ADCYAP1R1: variants seen among roughly 807,000 people sequenced by gnomAD.
The protein encoded by ADCYAP1R1 is pituitary adenylate cyclase-activating polypeptide type I receptor.
ADCYAP1R1 carries 44 observed loss-of-function variants against 67.6 expected under a neutral mutation model. That is an observed-to-expected ratio of 0.65 (90% CI 0.51 to 0.84). The LOEUF is 0.84. Ranked by LOEUF, ADCYAP1R1 falls within the 40% of genes least tolerant of loss-of-function variation. ADCYAP1R1 has a pLI of 0.00. For synonymous variants in ADCYAP1R1, 222 were observed against 219.6 expected (o/e 1.01, Z -0.10); for missense variants, 477 against 587.9 (o/e 0.81, Z 1.95).
chr7:31,072,541 C>G (rs922186716), intron 3 of ADCYAP1R1, among the ~76,000 whole-genome samples: 3 of 152,036 alleles, frequency 2.0e-5, no homozygotes, highest in African/African-American at 4.8e-5. Context: ...GCCATTGCTC[C>G]AAATCAAGCT....
chr7:31,100,305 C>A (rs1415938625), intron 13 of ADCYAP1R1: 4 of 1,247,566 alleles, frequency 3.2e-6, no homozygotes, highest in Non-Finnish European at 4.6e-6. Flanking sequence ...GGAGAGCCAG[C>A]CTCTGCCTCC....
At chr7:31,094,501 G>A (rs1345011025) in intron 13 of ADCYAP1R1, among the ~76,000 whole-genome samples, 1 of 152,042 alleles carries the variant, frequency 6.6e-6, no homozygotes, top group Non-Finnish European at 1.5e-5. Flanking sequence ...TCTCTCGTTT[G>A]AGCTCTAGTG....
intron 8 of ADCYAP1R1, 131 bp from the exon 9 acceptor site, chr7:31,085,179 G>A: frequency 2.4e-6 from 3 of 1,268,082 alleles, no homozygotes; most frequent in South Asian, 2.9e-5. Flanking sequence ...GAGGTGGCAG[G>A]AAGGAGGGTG....
intron 4 of ADCYAP1R1, 111 bp downstream of exon 4, chr7:31,078,209 C>T: frequency 2.7e-6 from 2 of 751,932 alleles, no homozygotes. Context: ...ACAGTCCCTG[C>T]TCCTGAGCTC....
At position 31,086,287 on chromosome 7, in the gene ADCYAP1R1, T is replaced by A; in HGVS notation, c.670-97T>A. On this transcript the variant is annotated intron_variant, in intron 9 of 15. Transcript: ENST00000304166. This position sits in a 1 kb window ranked among gnomAD's most constrained non-coding sequence, Gnocchi z 5.0. ...GACTCTCTTAGATCCTTGGGATGTT[T>A]GAACCTGAGCATGCCAGAGCCAACG... The A allele has an allele frequency of 4.7e-6, 6 of 1,263,172 alleles. No homozygotes were observed. The highest frequency in any genetic ancestry group is 6.6e-6 in the Non-Finnish European group (6 of 912,620). 78.2% of individuals were successfully genotyped at this position (1,263,172 alleles called of 1,614,324 possible).
rs1795759179 is a variant in ADCYAP1R1, at chr7:31,086,724, G to A, written c.823+187G>A. ...TGCCTGTGGAAAGCCCACTATCTCA[G>A]GGAGGAGTTAAATCCAGGAGTCCTC... On this transcript the variant is annotated intron_variant, in intron 10 of 15. Coordinates refer to ENST00000304166, the MANE Select transcript of ADCYAP1R1 (RefSeq NM_001118.5). The surrounding 1 kb of genome is among the most constrained non-coding windows in gnomAD (Gnocchi z 5.0). Among the ~76,000 whole-genome samples the A allele has an allele frequency of 6.6e-6, 1 of 152,178 alleles. No individual in the cohort carries two copies. Among genetic ancestry groups the A allele is most frequent in the Admixed American group, 6.5e-5 (1 of 15,284 alleles).
At chr7:31,076,058 T>G (rs1205340667) in intron 3 of ADCYAP1R1, among the ~76,000 whole-genome samples, 4 of 151,988 alleles carry the variant, frequency 2.6e-5, no homozygotes, top group Non-Finnish European at 5.9e-5. Flanking sequence ...TTCTTCAAGG[T>G]GGGGGTGTCC....
chr7:31,068,215 G>GCGCGCA (rs35207713), intron 3 of ADCYAP1R1, among the ~76,000 whole-genome samples: 29 of 149,900 alleles, frequency 1.9e-4, no homozygotes, highest in African/African-American at 4.6e-4. Flanking sequence ...ATGTGCGCGC[G>GCGCGCA]CACACACACA....
intron 4 of ADCYAP1R1, 55 bp downstream of exon 4, chr7:31,078,153 C>T (rs1300497091): frequency 3.4e-6 from 5 of 1,454,782 alleles, no homozygotes; most frequent in South Asian, 1.3e-5. Context: ...TCCCCAAATT[C>T]GGCCCCAGGC....
chr7:31,080,732 T>G (rs1584509505), intron 5 of ADCYAP1R1, 99 bp downstream of exon 5: 1 of 1,312,582 alleles, frequency 7.6e-7, no homozygotes, highest in Non-Finnish European at 1.1e-6. Flanking sequence ...GGGATTGGGG[T>G]GGGGGTGGAG....
At chr7:31,070,531 A>G (rs192901576) in intron 3 of ADCYAP1R1, among the ~76,000 whole-genome samples, 1 of 152,318 alleles carries the variant, frequency 6.6e-6, no homozygotes, top group Non-Finnish European at 1.5e-5. Flanking sequence ...AGAGGAAGGA[A>G]GCACATCAGG....
intron 3 of ADCYAP1R1, among the ~76,000 whole-genome samples, chr7:31,071,698 C>A (rs1322077565): frequency 2.0e-5 from 3 of 152,166 alleles, no homozygotes; most frequent in East Asian, 3.8e-4. Context: ...CTTCCCTGAT[C>A]TTTGCTCTCT....
At position 31,052,649 on chromosome 7, in the gene ADCYAP1R1, G is replaced by C. The variant is rs1456821600; in HGVS notation, c.-101G>C. ...GCGCGTCCTTTGCGGAGTCTGCCCCGGCCCCACGGACAGGCCCCGCAGTGA... is the reference window on the plus strand; with the variant it reads ...GCGCGTCCTTTGCGGAGTCTGCCCCCGCCCCACGGACAGGCCCCGCAGTGA... On this transcript the variant is annotated 5_prime_UTR_variant, in exon 1 of 16. Coordinates refer to ENST00000304166, the MANE Select transcript of ADCYAP1R1 (RefSeq NM_001118.5). The C allele has an allele frequency of 6.6e-6, 1 of 151,880 alleles. No individual in the cohort carries two copies. Among genetic ancestry groups the C allele is most frequent in the African/African-American group, 2.4e-5 (1 of 41,338 alleles). The allele number at this position is 151,880 out of a possible 1,614,324, so 9.4% of individuals were successfully genotyped here. A position where few individuals can be genotyped will look rare whatever the true frequency, so the allele number is the denominator to read the frequency against.
intron 6 of ADCYAP1R1, 72 bp downstream of exon 6, chr7:31,081,826 A>G: frequency 7.5e-7 from 1 of 1,326,386 alleles, no homozygotes; most frequent in Non-Finnish European, 1.0e-6. Context: ...GAGCTTTGAG[A>G]ACCCCATCCC....
At chr7:31,071,056 C>T (rs373147334) in intron 3 of ADCYAP1R1, among the ~76,000 whole-genome samples, 22 of 152,294 alleles carry the variant, frequency 1.4e-4, no homozygotes, top group African/African-American at 4.1e-4. Context: ...AAATGGGGAC[C>T]TTGTTCTAAC....
chr7:31,077,215 C>T (rs1028769705), intron 3 of ADCYAP1R1, among the ~76,000 whole-genome samples: 1 of 152,230 alleles, frequency 6.6e-6, no homozygotes, highest in Non-Finnish European at 1.5e-5. Context: ...TGGAGCACAC[C>T]TCAGTGTGTG....
At chr7:31,101,173 T>G (rs917912756) in intron 13 of ADCYAP1R1, among the ~76,000 whole-genome samples, 6 of 152,166 alleles carry the variant, frequency 3.9e-5, no homozygotes, top group African/African-American at 1.4e-4. Flanking sequence ...CTGGGGCTGC[T>G]GTGGGGCTGC....
intron 3 of ADCYAP1R1, among the ~76,000 whole-genome samples, chr7:31,068,392 G>A (rs2128619733): frequency 6.6e-6 from 1 of 152,308 alleles, no homozygotes; most frequent in Admixed American, 6.5e-5. Flanking sequence ...AGCTGTGCAT[G>A]TGGATGGTTC....
At chr7:31,070,932 A>G (rs1174835106) in intron 3 of ADCYAP1R1, among the ~76,000 whole-genome samples, 4 of 152,184 alleles carry the variant, frequency 2.6e-5, no homozygotes, top group African/African-American at 7.2e-5. Flanking sequence ...CTTTAGTCCT[A>G]TGCCACCCCC....
Sources: gnomAD v4.1 joint callset for allele counts (sites outside exome capture counted in the v4.1 genomes callset) on GRCh38, gnomAD v4.1.1 for gene constraint, Gnocchi (gnomAD v3.1) non-coding constraint, MANE v1.5 for transcripts, NCBI Gene and HGNC (gene_info 2026-07-23, HGNC 2026-07-21) for gene names.